Variants in CPQ observed in about 807,000 individuals in gnomAD.
The protein encoded by CPQ is carboxypeptidase Q, also known as Ser-Met dipeptidase.
CPQ carries 37 observed loss-of-function variants against 45.7 expected under a neutral mutation model. The observed-to-expected ratio is 0.81, with a 90% confidence interval of 0.62 to 1.07. The LOEUF is 1.07. CPQ is among the 50% of genes least tolerant of loss of function. CPQ has a pLI of 0.00. For synonymous variants in CPQ, 186 were observed against 205.8 expected (o/e 0.90, Z 0.82); for missense variants, 537 against 572.9 (o/e 0.94, Z 0.64).
chr8:96,661,428 G>C (rs936329629), intron 1 of CPQ, among the ~76,000 whole-genome samples: 3 of 151,924 alleles, frequency 2.0e-5, no homozygotes, highest in Non-Finnish European at 4.4e-5. Context: ...AAAATCCCCT[G>C]TACTCTACTT....
chr8:96,873,376 T>C (rs955365221), intron 3 of CPQ, among the ~76,000 whole-genome samples: 1 of 151,768 alleles, frequency 6.6e-6, no homozygotes, highest in Non-Finnish European at 1.5e-5. Flanking sequence ...TTGTGAATTA[T>C]GGTGTAAATG....
chr8:96,734,430 G>T (rs1809951257), intron 1 of CPQ, among the ~76,000 whole-genome samples: 1 of 152,170 alleles, frequency 6.6e-6, no homozygotes, highest in Non-Finnish European at 1.5e-5. Flanking sequence ...TCCTCTGACA[G>T]GCTGGGCGCG....
chr8:97,124,970 G>A (rs7357399), intron 7 of CPQ, among the ~76,000 whole-genome samples: 35,750 of 151,816 alleles, frequency 0.24, 4,836 homozygotes, highest in East Asian at 0.61. Context: ...ATTTTAAAAC[G>A]GACTTTTTGA....
chr8:96,793,829 G>C (rs1810885942), intron 2 of CPQ, among the ~76,000 whole-genome samples: 1 of 152,208 alleles, frequency 6.6e-6, no homozygotes, highest in Non-Finnish European at 1.5e-5. Context: ...AAACAAAGGG[G>C]CTACAGGTCC....
At chr8:96,937,607 C>T (rs2130318480) in intron 4 of CPQ, among the ~76,000 whole-genome samples, 1 of 152,246 alleles carries the variant, frequency 6.6e-6, no homozygotes, top group East Asian at 1.9e-4. Context: ...GTCTGGAGAC[C>T]ATGACACAGC....
chr8:96,922,239 A>G (rs1812819050), intron 4 of CPQ, among the ~76,000 whole-genome samples: 1 of 152,314 alleles, frequency 6.6e-6, no homozygotes, highest in African/African-American at 2.4e-5. Flanking sequence ...ATATTTATAA[A>G]CAGTAACTAT....
chr8:97,029,559 T>C, intron 6 of CPQ, 65 bp downstream of exon 6: 1 of 1,402,240 alleles, frequency 7.1e-7, no homozygotes, highest in Non-Finnish European at 9.9e-7. Flanking sequence ...CCTCTCATTG[T>C]CCATTTAAGA....
intron 4 of CPQ, among the ~76,000 whole-genome samples, chr8:96,903,921 G>C (rs146453451): frequency 1.3e-4 from 20 of 152,308 alleles, no homozygotes; most frequent in African/African-American, 4.8e-4. Flanking sequence ...CTGGTGTTTG[G>C]AGTGTCTTTG....
chr8:97,003,859 T>C (rs1809331613), intron 5 of CPQ, among the ~76,000 whole-genome samples: 1 of 152,192 alleles, frequency 6.6e-6, no homozygotes, highest in African/African-American at 2.4e-5. Flanking sequence ...TACTATACGT[T>C]ATTTTTTTGA....
chr8:96,910,446 A>G (rs187474239), intron 4 of CPQ, among the ~76,000 whole-genome samples: 2 of 152,328 alleles, frequency 1.3e-5, no homozygotes, highest in African/African-American at 4.8e-5. Flanking sequence ...TCTGTAAAGT[A>G]CCTTTTAAAA....
At chr8:97,090,351 G>GTAGT (rs1182469907) in intron 7 of CPQ, among the ~76,000 whole-genome samples, 1 of 152,192 alleles carries the variant, frequency 6.6e-6, no homozygotes, top group Non-Finnish European at 1.5e-5. Context: ...ACATGATGGT[G>GTAGT]TAGTTATATA....
At chr8:97,065,910 G>C (rs969948388) in intron 6 of CPQ, 99 bp from the exon 7 acceptor site, 1 of 1,173,490 alleles carries the variant, frequency 8.5e-7, no homozygotes, top group South Asian at 1.3e-5. Flanking sequence ...TGGCACAGCC[G>C]TAAGGAGGTA....
intron 1 of CPQ, among the ~76,000 whole-genome samples, chr8:96,770,549 T>C (rs1810526938): frequency 6.6e-6 from 1 of 151,968 alleles, no homozygotes. Context: ...GCAAAACTAT[T>C]GGATACAGGT....
At chr8:96,838,777 G>T (rs1045327395) in intron 3 of CPQ, among the ~76,000 whole-genome samples, 1 of 152,056 alleles carries the variant, frequency 6.6e-6, no homozygotes, top group African/African-American at 2.4e-5. Context: ...AATCATGGCA[G>T]GGCTCTCGTA....
intron 7 of CPQ, among the ~76,000 whole-genome samples, chr8:97,132,432 T>C (rs950473061): frequency 6.6e-6 from 1 of 152,238 alleles, no homozygotes; most frequent in Non-Finnish European, 1.5e-5. Context: ...CTTGTAATAC[T>C]TCCCACTTTT....
At chr8:96,699,359 G>A (rs1330756360) in intron 1 of CPQ, among the ~76,000 whole-genome samples, 1 of 152,160 alleles carries the variant, frequency 6.6e-6, no homozygotes, top group Non-Finnish European at 1.5e-5. Flanking sequence ...CTGGTGGGAA[G>A]TGAGAATGGT....
intron 5 of CPQ, among the ~76,000 whole-genome samples, chr8:97,012,399 G>A (rs756810412): frequency 6.6e-6 from 1 of 152,172 alleles, no homozygotes; most frequent in African/African-American, 2.4e-5. Flanking sequence ...GTTGGGGCAT[G>A]TTCTTGAAAT....
At chr8:96,648,686 C>T (rs1815543886) in intron 1 of CPQ, among the ~76,000 whole-genome samples, 1 of 152,160 alleles carries the variant, frequency 6.6e-6, no homozygotes, top group Non-Finnish European at 1.5e-5. Flanking sequence ...AGTGGCCACT[C>T]ACTCTTCCAG....
chr8:96,953,460 T>C (rs1370039710), intron 4 of CPQ, among the ~76,000 whole-genome samples: 1 of 152,150 alleles, frequency 6.6e-6, no homozygotes, highest in Admixed American at 6.6e-5. Context: ...TCTACTCTTC[T>C]TGCAGATGAA....
Sources: gnomAD v4.1 joint callset for allele counts (sites outside exome capture counted in the v4.1 genomes callset) on GRCh38, gnomAD v4.1.1 for gene constraint, MANE v1.5 for transcripts, NCBI Gene and HGNC (gene_info 2026-07-23, HGNC 2026-07-21) for gene names.